Variants in ZNF407 observed in about 807,000 individuals in gnomAD.
ZNF407 encodes zinc finger protein 407.
A neutral mutation model predicts 131.2 loss-of-function variants in ZNF407; 17 were observed. The observed-to-expected ratio is 0.13, with a 90% CI of 0.09 to 0.19. The LOEUF is 0.19. Among genes scored for constraint, ZNF407 ranks in the 10% least tolerant of loss-of-function variants. The pLI is 1.00. For synonymous variants in ZNF407, 1,156 were observed against 1,062.0 expected, an observed-to-expected ratio of 1.09 and a Z score of -1.72; for missense variants, 2,681 against 2,830.6, an observed-to-expected ratio of 0.95 and a Z score of 1.20.
At chr18:75,005,704 C>T (rs1219706871) in intron 8 of ZNF407, among the ~76,000 whole-genome samples, 1 of 114,958 alleles carries the variant, frequency 8.7e-6, no homozygotes, top group East Asian at 3.0e-4. Context: ...CCGCCACCCC[C>T]CCCACCCACC....
chr18:74,942,392 T>G (rs1306279469), intron 8 of ZNF407, among the ~76,000 whole-genome samples: 1 of 152,090 alleles, frequency 6.6e-6, no homozygotes, highest in Non-Finnish European at 1.5e-5. Context: ...ATGCCAAACA[T>G]GGAGGAAAGG....
Position 75,064,046 on chromosome 18 carries a change from G to A in ZNF407, c.6325G>A (p.Glu2109Lys), listed in dbSNP as rs771972449. ...CGGTGTCACCCAGGTGGTGGTGAGCGAAGAGGGTGCCGTCCACATGGTCGC... is the reference window on the plus strand; with the variant it reads ...CGGTGTCACCCAGGTGGTGGTGAGCAAAGAGGGTGCCGTCCACATGGTCGC... ...KDGVTQVVVS[E>K]EGAVHMVAGE... is the part of the protein sequence containing the mutation. The change falls in exon 9 of 9, where the codon GAA becomes AAA. Residue 2109 changes from glutamate (E) to lysine (K), a missense_variant. Glu to Lys is a moderately conservative substitution (Grantham distance 56, BLOSUM62 1). This residue lies in a region of ZNF407 where 620 missense variants were observed against 583.1 expected (regional missense o/e 1.06). Coordinates refer to ENST00000299687, the MANE Select transcript of ZNF407 (RefSeq NM_017757.3). 59 of 1,597,352 alleles carry A rather than the reference G, an allele frequency of 3.7e-5. No individual in the cohort carries two copies. The highest frequency in any genetic ancestry group is 4.7e-5 in the Non-Finnish European group (55 of 1,172,752).
At chr18:74,934,272 A>G (rs1041796058) in intron 8 of ZNF407, among the ~76,000 whole-genome samples, 2 of 152,258 alleles carry the variant, frequency 1.3e-5, no homozygotes, top group Admixed American at 6.5e-5. Context: ...GATGAATTTA[A>G]TCACTATTGT....
intron 8 of ZNF407, among the ~76,000 whole-genome samples, chr18:74,992,569 A>G (rs1292649127): frequency 6.6e-6 from 1 of 152,224 alleles, no homozygotes; most frequent in Non-Finnish European, 1.5e-5. Context: ...GGATTCGTGG[A>G]TAAGAGCTGG....
intron 4 of ZNF407, among the ~76,000 whole-genome samples, chr18:74,859,627 G>A (rs1970909644): frequency 1.3e-5 from 2 of 152,324 alleles, no homozygotes; most frequent in African/African-American, 2.4e-5. Context: ...TCCTGAGAAG[G>A]AGAATTGCTT....
intron 3 of ZNF407, among the ~76,000 whole-genome samples, chr18:74,647,979 A>G (rs1985051751): frequency 6.6e-6 from 1 of 152,170 alleles, no homozygotes; most frequent in South Asian, 2.1e-4. Flanking sequence ...CATGAGGGGA[A>G]GTACAGAGAT....
At chr18:74,661,186 A>T in intron 3 of ZNF407, among the ~76,000 whole-genome samples, 1 of 152,250 alleles carries the variant, frequency 6.6e-6, no homozygotes, top group Middle Eastern at 3.4e-3. Context: ...GGTTAAATAC[A>T]GGCAGCATTC....
At chr18:75,031,176 A>AT (rs2122222353) in intron 8 of ZNF407, among the ~76,000 whole-genome samples, 1 of 152,346 alleles carries the variant, frequency 6.6e-6, no homozygotes, top group African/African-American at 2.4e-5. Flanking sequence ...AGGGGAGCTG[A>AT]TTAATAAGGG....
intron 3 of ZNF407, among the ~76,000 whole-genome samples, chr18:74,779,103 A>ATATATATATG (rs1568211792): frequency 3.7e-5 from 1 of 26,910 alleles, no homozygotes; most frequent in Non-Finnish European, 7.3e-5. Context: ...ATATATATAT[A>ATATATATATG]TATATATTTT....
At chr18:74,945,114 T>G (rs1276171767) in intron 8 of ZNF407, among the ~76,000 whole-genome samples, 1 of 152,188 alleles carries the variant, frequency 6.6e-6, no homozygotes, top group Non-Finnish European at 1.5e-5. Flanking sequence ...TGAATTACTT[T>G]TTTAACCCGG....
intron 8 of ZNF407, chr18:74,921,058 A>G: frequency 1.1e-6 from 1 of 950,912 alleles, no homozygotes; most frequent in Non-Finnish European, 1.3e-6. Context: ...GTGATTTGAA[A>G]TGTTATGCCC....
At chr18:74,989,583 T>C (rs1047861958) in intron 8 of ZNF407, among the ~76,000 whole-genome samples, 1 of 152,206 alleles carries the variant, frequency 6.6e-6, no homozygotes, top group African/African-American at 2.4e-5. Flanking sequence ...GGCTCACACC[T>C]GTAATCCCAG....
At chr18:74,919,544 C>T (rs1310914627) in intron 7 of ZNF407, among the ~76,000 whole-genome samples, 2 of 152,158 alleles carry the variant, frequency 1.3e-5, no homozygotes, top group Admixed American at 6.5e-5. Context: ...ACATATTGCT[C>T]TATTTTCTTC....
intron 3 of ZNF407, among the ~76,000 whole-genome samples, chr18:74,707,092 A>G (rs1354565092): frequency 2.0e-5 from 3 of 152,100 alleles, no homozygotes; most frequent in Non-Finnish European, 4.4e-5. Context: ...CTTGGATTAC[A>G]GTTATACGAT....
intron 3 of ZNF407, among the ~76,000 whole-genome samples, chr18:74,738,745 A>C (rs933905694): frequency 1.3e-5 from 2 of 152,142 alleles, no homozygotes; most frequent in African/African-American, 4.8e-5. Context: ...TCTCAAAAAA[A>C]GTTAGGGAAT....
At chr18:74,707,483 G>A (rs1490499742) in intron 3 of ZNF407, among the ~76,000 whole-genome samples, 1 of 152,100 alleles carries the variant, frequency 6.6e-6, no homozygotes, top group East Asian at 1.9e-4. Context: ...GTTGAACATG[G>A]CAAATCTGAA....
chr18:74,987,633 C>T (rs1430180912), intron 8 of ZNF407, among the ~76,000 whole-genome samples: 2 of 151,956 alleles, frequency 1.3e-5, no homozygotes, highest in African/African-American at 2.4e-5. Context: ...TCTTGTGTGC[C>T]TGTGGCCTAA....
At chr18:74,882,095 G>A (rs1212108646) in intron 6 of ZNF407, among the ~76,000 whole-genome samples, 2 of 152,130 alleles carry the variant, frequency 1.3e-5, no homozygotes, top group Non-Finnish European at 2.9e-5. Context: ...ACAACATGTG[G>A]GAATTTAAGA....
intron 3 of ZNF407, among the ~76,000 whole-genome samples, chr18:74,664,714 CTT>C (rs924600277): frequency 6.6e-6 from 1 of 152,066 alleles, no homozygotes. Flanking sequence ...CTCTCTCTCT[CTT>C]TCTCTCTCTT....
Sources: gnomAD v4.1 joint callset for allele counts (sites outside exome capture counted in the v4.1 genomes callset) on GRCh38, gnomAD v4.1.1 for gene constraint, gnomAD v4.1.1 regional missense constraint, MANE v1.5 for transcripts, NCBI Gene and HGNC (gene_info 2026-07-23, HGNC 2026-07-21) for gene names.